URGCP: variants seen among roughly 807,000 people sequenced by gnomAD.
URGCP encodes the protein upregulator of cell proliferation, also known as up-regulator of cell proliferation.
In URGCP, 13 loss-of-function variants were observed where a neutral mutation model predicts 24.6. The observed-to-expected ratio is 0.53, with a 90% CI of 0.34 to 0.84. The LOEUF (loss-of-function observed/expected upper bound fraction) is 0.84, where lower values mean the gene tolerates loss of function less well. URGCP is among the 40% of genes least tolerant of loss of function. The probability of loss-of-function intolerance (pLI) is 0.01; values close to 1 mark genes in which losing one functional copy is unlikely to be tolerated. For missense variants in URGCP, 899 were observed against 1,194.3 expected (o/e 0.75, Z 3.64); for synonymous variants, 444 against 487.2 (o/e 0.91, Z 1.17).
chr7:43,915,957 C>T (rs1482407568), intron 1 of URGCP, among the ~76,000 whole-genome samples: 1 of 152,000 alleles, frequency 6.6e-6, no homozygotes, highest in Non-Finnish European at 1.5e-5. Context: ...TGGAGTGAGC[C>T]AAGATTGTGC....
At chr7:43,888,648 C>T (rs2132670966) in intron 1 of URGCP, 1 of 152,336 alleles carries the variant, frequency 6.6e-6, no homozygotes. Flanking sequence ...TACAGCAGAA[C>T]TTGCAGAGGC....
chr7:43,879,365 C>T, intron 5 of URGCP, 105 bp from the exon 6 acceptor site: 1 of 1,354,450 alleles, frequency 7.4e-7, no homozygotes, highest in South Asian at 1.4e-5. Context: ...GAGTGACGAC[C>T]CCCTTCAGAG....
upstream of URGCP, among the ~76,000 whole-genome samples, chr7:43,908,980 C>T (rs1485806184): frequency 6.6e-6 from 1 of 152,134 alleles, no homozygotes; most frequent in Non-Finnish European, 1.5e-5. Flanking sequence ...CATGTTTAAC[C>T]AACCCCTACT....
At chr7:43,911,686 A>C (rs537181343) in intron 1 of URGCP, among the ~76,000 whole-genome samples, 1 of 152,296 alleles carries the variant, frequency 6.6e-6, no homozygotes, top group South Asian at 2.1e-4. Context: ...AACAAGAGTG[A>C]AACTCTGTCT....
chr7:43,911,364 G>A (rs1007201312), upstream of URGCP, among the ~76,000 whole-genome samples: 4 of 151,698 alleles, frequency 2.6e-5, no homozygotes, highest in African/African-American at 7.3e-5. Context: ...TCATGCCACC[G>A]ATTCCAGCCT....
chr7:43,899,045 A>G (rs2095884597), intron 1 of URGCP, among the ~76,000 whole-genome samples: 1 of 149,828 alleles, frequency 6.7e-6, no homozygotes, highest in Admixed American at 6.6e-5. Context: ...GAGGCAGGAC[A>G]ATCGCTTGAT....
intron 1 of URGCP, among the ~76,000 whole-genome samples, chr7:43,922,190 T>C (rs2095923225): frequency 6.6e-6 from 1 of 152,250 alleles, no homozygotes; most frequent in Middle Eastern, 3.4e-3. Flanking sequence ...GCCTCCCGAA[T>C]ACCTGGGATT....
intron 1 of URGCP, among the ~76,000 whole-genome samples, chr7:43,896,381 G>C (rs1281434184): frequency 6.6e-6 from 1 of 151,664 alleles, no homozygotes; most frequent in Non-Finnish European, 1.5e-5. Flanking sequence ...GCTTGACTCG[G>C]GAGGCGGAGA....
At chr7:43,915,497 T>C (rs1004065091) in intron 1 of URGCP, among the ~76,000 whole-genome samples, 2 of 152,192 alleles carry the variant, frequency 1.3e-5, no homozygotes, top group Non-Finnish European at 2.9e-5. Flanking sequence ...TTTTACAATA[T>C]TGGGGGTATT....
Position 43,877,525 on chromosome 7 carries a change from G to A in URGCP, c.1938C>T (p.Phe646=), listed in dbSNP as rs1237415258. The A allele has an allele frequency of 2.5e-6, 4 of 1,613,328 alleles. No individual in the cohort carries two copies. Among genetic ancestry groups the A allele is most frequent in the Non-Finnish European group, 3.4e-6 (4 of 1,180,030 alleles). The stretch of plus-strand genomic sequence containing the variant: ...GCAGCAGCTCCGAGGCCAAGCCTGG[G>A]AAGTGGGCAAAACGCCTCTGGCCTG... ...LPAGQRRFAH[F]PGLASELLLT... Residue 646 remains phenylalanine (F), a synonymous_variant, in exon 6 of 6, where the codon TTC becomes TTT. Coordinates refer to ENST00000453200, the MANE Select transcript of URGCP (RefSeq NM_001077663.3).
upstream of URGCP, chr7:43,910,682 T>C (rs575800592): frequency 6.6e-5 from 10 of 152,050 alleles, no homozygotes; most frequent in Non-Finnish European, 1.2e-4. Flanking sequence ...TAGTAAGACC[T>C]TGTCTTTACA....
intron 1 of URGCP, 136 bp from the exon 2 acceptor site, chr7:43,887,952 C>A: frequency 1.7e-6 from 1 of 591,454 alleles, no homozygotes. Flanking sequence ...AAAAAATACG[C>A]TATGGATTTC....
At chr7:43,926,688 G>T, upstream of URGCP, 3 of 958,832 alleles carry the variant, frequency 3.1e-6, no homozygotes, top group Non-Finnish European at 4.3e-6. Context: ...GAAGGAGGCA[G>T]AACAGCCTCC....
intron 3 of URGCP, among the ~76,000 whole-genome samples, chr7:43,883,175 C>T (rs979656307): frequency 6.6e-5 from 10 of 151,676 alleles, no homozygotes; most frequent in African/African-American, 2.4e-4. Context: ...AGACCTAAAA[C>T]TCTAGATTTG....
chr7:43,918,875 C>T, intron 1 of URGCP: 3 of 1,403,480 alleles, frequency 2.1e-6, no homozygotes, highest in South Asian at 1.1e-5. Context: ...ATGAGCACTA[C>T]ATCCCCCGGG....
In URGCP at chr7:43,878,770, G is replaced by A. The variant is rs769407001; in HGVS notation, c.693C>T (p.Ala231=). ...ENHYHTFLLW[A]MRGIVRTWWS... ...ACCATGTCCTCACAATGCCCCGCATGGCCCACAGCAGAAATGTATGGTAGT... is the reference window on the plus strand; with the variant it reads ...ACCATGTCCTCACAATGCCCCGCATAGCCCACAGCAGAAATGTATGGTAGT... Residue 231 remains alanine (A), a synonymous_variant, in exon 6 of 6, where the codon GCC becomes GCT. Coordinates refer to ENST00000453200, the MANE Select transcript of URGCP (RefSeq NM_001077663.3). The surrounding 1 kb of genome is among the most constrained non-coding windows in gnomAD (Gnocchi z 5.6). 1.9e-5 allele frequency: 31 copies of A among 1,613,934 alleles called. No homozygotes were observed. Among genetic ancestry groups the A allele is most frequent in the Non-Finnish European group, 2.5e-5 (30 of 1,179,982 alleles).
intron 1 of URGCP, among the ~76,000 whole-genome samples, chr7:43,891,798 C>T (rs929858088): frequency 5.3e-5 from 8 of 151,740 alleles, no homozygotes; most frequent in African/African-American, 1.9e-4. Flanking sequence ...TATTTTTTTC[C>T]CCCCGAGACA....
chr7:43,882,188 C>T (rs2095854983), intron 3 of URGCP: 7 of 468,152 alleles, frequency 1.5e-5, no homozygotes, highest in South Asian at 1.1e-4. Flanking sequence ...CCTGTAATCT[C>T]AGCACTTTGG....
chr7:43,903,826 T>C (rs138275614), intron 1 of URGCP, among the ~76,000 whole-genome samples: 1 of 152,172 alleles, frequency 6.6e-6, no homozygotes, highest in East Asian at 1.9e-4. Flanking sequence ...TTAAAGCCAC[T>C]AAAACAGATG....
Sources: allele counts gnomAD v4.1 joint callset (sites outside exome capture counted in the v4.1 genomes callset), GRCh38; gene constraint gnomAD v4.1.1; non-coding constraint Gnocchi (gnomAD v3.1); transcripts MANE v1.5; gene names NCBI Gene and HGNC (gene_info 2026-07-23, HGNC 2026-07-21).